The following CUX1 variants were observed in gnomAD, a reference collection of about 807,000 sequenced individuals.
CUX1 encodes cut like homeobox 1.
CUX1 carries 31 observed loss-of-function variants against 158.8 expected under a neutral mutation model. The ratio of observed to expected loss-of-function variants is 0.20; its 90% confidence interval spans 0.15 to 0.26. The LOEUF (loss-of-function observed/expected upper bound fraction) is 0.26, where lower values mean the gene tolerates loss of function less well. Ranked by LOEUF, CUX1 falls within the 10% of genes least tolerant of loss-of-function variation. CUX1 has a pLI of 1.00. For synonymous variants in CUX1, 879 were observed against 862.1 expected, an observed-to-expected ratio of 1.02 and a Z score of -0.34; for missense variants, 1,589 against 2,014.6, an observed-to-expected ratio of 0.79 and a Z score of 4.04.
chr7:101,909,341 A>G (rs1275597269), intron 1 of CUX1, among the ~76,000 whole-genome samples: 7 of 152,210 alleles, frequency 4.6e-5, no homozygotes, highest in Non-Finnish European at 1.0e-4. Flanking sequence ...GCTTGAGGCC[A>G]GGACTCCAGT....
chr7:101,945,026 C>T (rs1379762297), intron 2 of CUX1, among the ~76,000 whole-genome samples: 1 of 152,120 alleles, frequency 6.6e-6, no homozygotes, highest in Admixed American at 6.5e-5. Context: ...TTGCACTTTC[C>T]CAGAAATTGT....
At chr7:102,225,838 T>A (rs1199571865) in intron 20 of CUX1, among the ~76,000 whole-genome samples, 12 of 152,106 alleles carry the variant, frequency 7.9e-5, no homozygotes, top group Non-Finnish European at 1.6e-4. Context: ...AAAAAAATTT[T>A]ACAAGACCCT....
chr7:102,192,152 T>C (rs1794347456), intron 12 of CUX1, among the ~76,000 whole-genome samples: 2 of 152,164 alleles, frequency 1.3e-5, no homozygotes, highest in African/African-American at 4.8e-5. Flanking sequence ...ATCGTCCCAT[T>C]TCCACTTCCT....
chr7:102,248,691 C>G lies in CUX1; in HGVS notation c.4167C>G (p.Asp1389Glu). Residue 1389 changes from aspartate (D) to glutamate (E), a missense_variant, in exon 24 of 24, where the codon GAC (aspartate) becomes GAG (glutamate). Transcript: ENST00000292535. The surrounding 1 kb of genome is among the most constrained non-coding windows in gnomAD (Gnocchi z 5.8). ...GTPGPDDARDDDHEGGPVEGP... is the reference protein window; with the variant it reads ...GTPGPDDARDEDHEGGPVEGP... ...CGGGCCCGGACGACGCCCGCGACGA[C>G]GACCACGAGGGAGGCCCCGTGGAAG... is the stretch of plus-strand genomic sequence containing the variant. 2 of 1,273,628 alleles carry G rather than the reference C, an allele frequency of 1.6e-6. No individual in the cohort carries two copies. Among genetic ancestry groups the G allele is most frequent in the Non-Finnish European group, 2.0e-6 (2 of 1,007,478 alleles). The allele number at this position is 1,273,628 out of a possible 1,614,324, so 78.9% of individuals were successfully genotyped here.
chr7:102,000,202 G>A (rs2129272837), intron 2 of CUX1, among the ~76,000 whole-genome samples: 1 of 133,430 alleles, frequency 7.5e-6, no homozygotes, highest in Non-Finnish European at 1.6e-5. Context: ...GGTGACAAGA[G>A]CAAAACTCTA....
At chr7:101,904,884 A>G (rs1366519753) in intron 1 of CUX1, among the ~76,000 whole-genome samples, 1 of 152,158 alleles carries the variant, frequency 6.6e-6, no homozygotes, top group African/African-American at 2.4e-5. Flanking sequence ...TTGAGAATTA[A>G]AGGAACATGG....
intron 3 of CUX1, among the ~76,000 whole-genome samples, chr7:102,063,638 C>G (rs1484939350): frequency 6.6e-6 from 1 of 152,084 alleles, no homozygotes; most frequent in African/African-American, 2.4e-5. Flanking sequence ...AGTGATCCAC[C>G]CACCTTGGCC....
At chr7:101,876,044 C>T (rs1419053706) in intron 1 of CUX1, among the ~76,000 whole-genome samples, 3 of 152,120 alleles carry the variant, frequency 2.0e-5, no homozygotes, top group African/African-American at 4.8e-5. Context: ...GTGGAAGTAA[C>T]ACGTCAAATA....
intron 2 of CUX1, among the ~76,000 whole-genome samples, chr7:101,942,262 G>A (rs191168161): frequency 6.6e-6 from 1 of 152,326 alleles, no homozygotes; most frequent in Non-Finnish European, 1.5e-5. Flanking sequence ...GAAACGGCCT[G>A]TCTGTAATGC....
At chr7:101,907,610 A>G (rs564176666) in intron 1 of CUX1, among the ~76,000 whole-genome samples, 2 of 152,260 alleles carry the variant, frequency 1.3e-5, no homozygotes, top group South Asian at 4.1e-4. Context: ...CAGCCTCCCA[A>G]AGTTCTGGGA....
At chr7:102,016,598 C>A (rs754855763) in intron 2 of CUX1, among the ~76,000 whole-genome samples, 17 of 152,166 alleles carry the variant, frequency 1.1e-4, no homozygotes, top group Non-Finnish European at 1.6e-4. Flanking sequence ...GACGACAGAG[C>A]GAGACCTCGT....
At chr7:101,857,781 T>C (rs1797028299) in intron 1 of CUX1, among the ~76,000 whole-genome samples, 1 of 152,188 alleles carries the variant, frequency 6.6e-6, no homozygotes, top group Non-Finnish European at 1.5e-5. Context: ...TTTCCCCCCT[T>C]AGCTCTTCCT....
rs17135031 is a variant in CUX1, at chr7:102,108,026, T to C, written c.530+3567T>C. On this transcript the variant is annotated intron_variant, in intron 6 of 23. Transcript: ENST00000292535. Reference sequence around the variant, plus strand: ...TGATACGGATTTGGTCCTAAGTAAATGCCTTTTAGGAAAGCACTCCTCACC... The same window carrying C: ...TGATACGGATTTGGTCCTAAGTAAACGCCTTTTAGGAAAGCACTCCTCACC... Among the ~76,000 whole-genome samples, 1,028 of 152,276 alleles carry C rather than the reference T, an allele frequency of 6.8e-3. 7 individuals carry two copies. The highest frequency in any genetic ancestry group is 0.024 in the African/African-American group (984 of 41,560).
chr7:101,976,968 C>A (rs1204857793), intron 2 of CUX1, among the ~76,000 whole-genome samples: 1 of 111,462 alleles, frequency 9.0e-6, no homozygotes, highest in Non-Finnish European at 1.6e-5. Flanking sequence ...GCTGGAGTGT[C>A]GTGGCATGAT....
chr7:102,092,392 C>T (rs1232974274), intron 4 of CUX1, among the ~76,000 whole-genome samples: 1 of 152,162 alleles, frequency 6.6e-6, no homozygotes, highest in African/African-American at 2.4e-5. Context: ...TCCAGATCTT[C>T]ATCCCCACTC....
intron 10 of CUX1, among the ~76,000 whole-genome samples, chr7:102,171,828 A>C (rs1167440749): frequency 6.6e-6 from 1 of 152,222 alleles, no homozygotes; most frequent in Non-Finnish European, 1.5e-5. Flanking sequence ...AATAGGAATT[A>C]AGTGATCACA....
At chr7:102,245,524 A>C (rs1800715121) in intron 23 of CUX1, among the ~76,000 whole-genome samples, 1 of 152,192 alleles carries the variant, frequency 6.6e-6, no homozygotes, top group Non-Finnish European at 1.5e-5. Flanking sequence ...GGCTTATCAC[A>C]GCACACAAAC....
intron 20 of CUX1, among the ~76,000 whole-genome samples, chr7:102,211,433 G>A (rs1554523112): frequency 1.3e-5 from 2 of 151,864 alleles, no homozygotes; most frequent in South Asian, 2.1e-4. Context: ...GTGACAAAGC[G>A]AGACCCTCTC....
intron 3 of CUX1, among the ~76,000 whole-genome samples, chr7:102,049,465 G>T (rs1226018323): frequency 2.0e-5 from 3 of 152,190 alleles, no homozygotes; most frequent in African/African-American, 7.2e-5. Context: ...TGTAAAGCCT[G>T]AAGAGTGTCT....
Sources: allele counts gnomAD v4.1 joint callset (sites outside exome capture counted in the v4.1 genomes callset), GRCh38; gene constraint gnomAD v4.1.1; non-coding constraint Gnocchi (gnomAD v3.1); transcripts MANE v1.5; gene names NCBI Gene and HGNC (gene_info 2026-07-23, HGNC 2026-07-21).